Variants in SLC44A1 observed in about 807,000 individuals in gnomAD.
SLC44A1 encodes the protein solute carrier family 44 member 1.
In SLC44A1, 26 loss-of-function variants were observed where a neutral mutation model predicts 79.3. The observed-to-expected ratio is 0.33, with a 90% confidence interval of 0.24 to 0.46. SLC44A1 has a LOEUF of 0.46. Among genes scored for constraint, SLC44A1 ranks in the 20% least tolerant of loss-of-function variants. SLC44A1 has a pLI of 1.00. For synonymous variants in SLC44A1, 263 were observed against 286.2 expected, an observed-to-expected ratio of 0.92 and a Z score of 0.82; for missense variants, 688 against 798.1, an observed-to-expected ratio of 0.86 and a Z score of 1.66.
At chr9:105,293,917 C>A (rs1830660282) in intron 1 of SLC44A1, among the ~76,000 whole-genome samples, 2 of 152,150 alleles carry the variant, frequency 1.3e-5, no homozygotes, top group South Asian at 4.1e-4. Flanking sequence ...AGTACTATGA[C>A]TTCTCTAAGA....
At chr9:105,407,644 C>T (rs7858536) in intron 15 of SLC44A1, among the ~76,000 whole-genome samples, 5,920 of 151,542 alleles carry the variant, frequency 0.039, 374 homozygotes, top group African/African-American at 0.14. Context: ...CTGAGGCAGG[C>T]GGATTACCTG....
intron 15 of SLC44A1, among the ~76,000 whole-genome samples, chr9:105,387,687 G>A (rs777189225): frequency 1.1e-4 from 16 of 152,104 alleles, no homozygotes; most frequent in Non-Finnish European, 1.8e-4. Context: ...TCAGTAATAA[G>A]CATTTAAAGA....
chr9:105,396,824 C>G lies in SLC44A1; in HGVS notation c.*7768C>G. ...TATAAACTGGAGGATCACAGTTAAG[C>G]CTTCCATGAATTCATAGTTTGGAAT... On this transcript the variant is annotated 3_prime_UTR_variant, in exon 16 of 16. Transcript: ENST00000374720. The G allele has an allele frequency of 1.0e-6, 1 of 984,280 alleles. No individual in the cohort carries two copies. Among genetic ancestry groups the G allele is most frequent in the Non-Finnish European group, 1.2e-6 (1 of 829,202 alleles). The allele number at this position is 984,280 out of a possible 1,614,324, so 61.0% of individuals were successfully genotyped here.
At chr9:105,416,455 T>C (rs1345865459) in intron 15 of SLC44A1, among the ~76,000 whole-genome samples, 2 of 151,978 alleles carry the variant, frequency 1.3e-5, no homozygotes. Context: ...GTATAATGTG[T>C]CACAGTAGTT....
In SLC44A1 at chr9:105,366,367, G is replaced by A. The variant is rs1453703312; in HGVS notation, c.1432G>A (p.Val478Met). The A allele has an allele frequency of 2.0e-6, 3 of 1,526,048 alleles. 1 individual carries two copies. The highest frequency in any genetic ancestry group is 2.7e-5 in the South Asian group (2 of 74,660). The allele number at this position is 1,526,048 out of a possible 1,614,324, so 94.5% of individuals were successfully genotyped here. A position where few individuals can be genotyped will look rare whatever the true frequency, so the allele number is the denominator to read the frequency against. The change falls in exon 12 of 16, where the codon GTG becomes ATG. Residue 478 changes from valine (V) to methionine (M), a missense_variant. Physicochemically the swap from Val to Met is conservative, Grantham distance 21. Coordinates refer to ENST00000374720, the MANE Select transcript of SLC44A1 (RefSeq NM_080546.5). ...CCAGGAAAATGCTTGTGCACGATGT[G>A]TGCTGAAATCTTGCATTTGTTGCCT... ...KGKENACARC[V>M]LKSCICCLWC...
chr9:105,263,728 G>A (rs1008495697), intron 1 of SLC44A1, among the ~76,000 whole-genome samples: 4 of 151,854 alleles, frequency 2.6e-5, no homozygotes, highest in East Asian at 1.9e-4. Context: ...GTAGAGACAG[G>A]GTTTCACTAT....
chr9:105,427,831 T>C (rs902735550), intron 15 of SLC44A1, among the ~76,000 whole-genome samples: 3 of 152,200 alleles, frequency 2.0e-5, no homozygotes, highest in South Asian at 4.1e-4. Flanking sequence ...ATCCGGCAGA[T>C]ACTCATATCA....
intron 1 of SLC44A1, among the ~76,000 whole-genome samples, chr9:105,294,977 G>C (rs1025839612): frequency 4.7e-5 from 7 of 149,062 alleles, no homozygotes; most frequent in African/African-American, 1.7e-4. Flanking sequence ...CCTGTGTTTA[G>C]TACACTGGTG....
chr9:105,327,715 C>A (rs1826623992), intron 3 of SLC44A1, among the ~76,000 whole-genome samples: 1 of 152,192 alleles, frequency 6.6e-6, no homozygotes, highest in East Asian at 1.9e-4. Context: ...TTCCTACCCC[C>A]TTTCATCCAC....
chr9:105,394,835 T>G lies in SLC44A1; in HGVS notation c.*5779T>G. On this transcript the variant is annotated 3_prime_UTR_variant, in exon 16 of 16. Coordinates refer to ENST00000374720, the MANE Select transcript of SLC44A1 (RefSeq NM_080546.5). ...CTGCATAAATCACGGAGGTGTGTTC[T>G]GTTTTAGTGTTTTCCAGTCACCCAC... 1 of 985,476 alleles carries G rather than the reference T, an allele frequency of 1.0e-6. No individual in the cohort carries two copies. Among genetic ancestry groups the G allele is most frequent in the Non-Finnish European group, 1.2e-6 (1 of 829,950 alleles). The allele number at this position is 985,476 out of a possible 1,614,324, so 61.0% of individuals were successfully genotyped here. A position where few individuals can be genotyped will look rare whatever the true frequency, so the allele number is the denominator to read the frequency against.
At chr9:105,256,051 T>C (rs1447460685) in intron 1 of SLC44A1, among the ~76,000 whole-genome samples, 1 of 152,184 alleles carries the variant, frequency 6.6e-6, no homozygotes, top group African/African-American at 2.4e-5. Flanking sequence ...TCTTGCTCTG[T>C]CACCCTGGCT....
chr9:105,407,381 C>T (rs1829042027), intron 15 of SLC44A1, among the ~76,000 whole-genome samples: 1 of 152,100 alleles, frequency 6.6e-6, no homozygotes, highest in South Asian at 2.1e-4. Flanking sequence ...CAGATTATAA[C>T]CAAATTGTTG....
intron 1 of SLC44A1, among the ~76,000 whole-genome samples, chr9:105,258,432 T>G (rs1829761376): frequency 6.6e-6 from 1 of 152,220 alleles, no homozygotes; most frequent in South Asian, 2.1e-4. Flanking sequence ...TCTCATTTTA[T>G]TCTCATAACT....
chr9:105,297,759 A>G (rs1350393726), intron 1 of SLC44A1, among the ~76,000 whole-genome samples: 1 of 152,198 alleles, frequency 6.6e-6, no homozygotes, highest in Non-Finnish European at 1.5e-5. Flanking sequence ...CTATGGTTTT[A>G]GAGGGAGAGA....
chr9:105,255,688 A>G (rs1281917627), intron 1 of SLC44A1, among the ~76,000 whole-genome samples: 1 of 152,156 alleles, frequency 6.6e-6, no homozygotes, highest in Non-Finnish European at 1.5e-5. Flanking sequence ...CAGCTGTTAG[A>G]ATCCAGAGGA....
At chr9:105,416,005 G>T (rs538804922) in intron 15 of SLC44A1, among the ~76,000 whole-genome samples, 1 of 149,904 alleles carries the variant, frequency 6.7e-6, no homozygotes, top group East Asian at 2.0e-4. Flanking sequence ...GGGTTCCAGC[G>T]ATTCTCCTAC....
At chr9:105,375,580 G>T (rs533206351) in intron 13 of SLC44A1, among the ~76,000 whole-genome samples, 3 of 152,256 alleles carry the variant, frequency 2.0e-5, no homozygotes, top group Admixed American at 6.5e-5. Flanking sequence ...TACATGTAGG[G>T]TATCTAGGAG....
intron 1 of SLC44A1, among the ~76,000 whole-genome samples, chr9:105,296,006 C>A (rs556152713): frequency 6.6e-6 from 1 of 152,060 alleles, no homozygotes; most frequent in Admixed American, 6.5e-5. Context: ...AATTTTAGTA[C>A]GTATAAGGGA....
intron 15 of SLC44A1, among the ~76,000 whole-genome samples, chr9:105,429,298 T>C (rs1382513501): frequency 2.6e-5 from 4 of 152,166 alleles, no homozygotes; most frequent in Non-Finnish European, 5.9e-5. Flanking sequence ...TTAATCTTTT[T>C]GGTTTGTTTT....
Sources: allele counts gnomAD v4.1 joint callset (sites outside exome capture counted in the v4.1 genomes callset), GRCh38; gene constraint gnomAD v4.1.1; transcripts MANE v1.5; gene names NCBI Gene and HGNC (gene_info 2026-07-23, HGNC 2026-07-21).